KAZN: variants seen among roughly 807,000 people sequenced by gnomAD.
KAZN encodes kazrin.
In KAZN, 40 loss-of-function variants were observed where a neutral mutation model predicts 87.4. The ratio of observed to expected loss-of-function variants is 0.46; its 90% confidence interval spans 0.36 to 0.60. KAZN has a LOEUF of 0.60. KAZN is among the 20% of genes least tolerant of loss of function. The pLI is 0.00. For synonymous variants in KAZN, 466 were observed against 458.3 expected (o/e 1.02, Z -0.22); for missense variants, 898 against 1,073.9 (o/e 0.84, Z 2.29).
chr1:14,658,760 G>A (rs79405792), intron 1 of KAZN, among the ~76,000 whole-genome samples: 1,546 of 152,014 alleles, frequency 0.01, 26 homozygotes, highest in East Asian at 0.042. Context: ...ACATTCCCTC[G>A]CCCCACCCTA....
intron 13 of KAZN, chr1:15,112,128 T>G (rs995686133): frequency 2.7e-5 from 12 of 445,924 alleles, no homozygotes; most frequent in Non-Finnish European, 4.1e-6. Context: ...GAAGCCTGAG[T>G]TCAGATCTTG....
intron 1 of KAZN, among the ~76,000 whole-genome samples, chr1:14,060,408 T>G (rs994156058): frequency 9.2e-5 from 14 of 151,828 alleles, no homozygotes; most frequent in Non-Finnish European, 1.5e-4. Flanking sequence ...TGTTCCCTAC[T>G]TGCAATAAGA....
chr1:14,268,599 G>A (rs966795836), intron 2 of KAZN, among the ~76,000 whole-genome samples: 2 of 152,172 alleles, frequency 1.3e-5, no homozygotes, highest in African/African-American at 4.8e-5. Flanking sequence ...CAATGATGAT[G>A]CATTACCTGT....
chr1:14,441,203 T>A (rs1483747606), intron 2 of KAZN, among the ~76,000 whole-genome samples: 2 of 152,162 alleles, frequency 1.3e-5, no homozygotes, highest in Non-Finnish European at 2.9e-5. Context: ...TTTGGCTTCT[T>A]ATAGCTTATG....
At chr1:15,035,837 C>CT in intron 3 of KAZN, among the ~76,000 whole-genome samples, 1 of 152,262 alleles carries the variant, frequency 6.6e-6, no homozygotes, top group African/African-American at 2.4e-5. Context: ...CTTCTGGCCT[C>CT]TGTTTTCTGC....
At chr1:14,296,653 T>G (rs1363277300) in intron 2 of KAZN, among the ~76,000 whole-genome samples, 1 of 144,796 alleles carries the variant, frequency 6.9e-6, no homozygotes, top group East Asian at 2.0e-4. Context: ...TTTTTTTTTT[T>G]GAGACAAAAT....
At chr1:14,429,972 A>AT (rs1665951217) in intron 2 of KAZN, among the ~76,000 whole-genome samples, 1 of 151,788 alleles carries the variant, frequency 6.6e-6, no homozygotes, top group African/African-American at 2.4e-5. Context: ...CTCTTCCCCC[A>AT]TCCCTCTCCC....
intron 2 of KAZN, among the ~76,000 whole-genome samples, chr1:14,215,899 GAAT>G (rs1646948017): frequency 6.6e-6 from 1 of 152,054 alleles, no homozygotes; most frequent in Admixed American, 6.6e-5. Context: ...ACTTCTACAG[GAAT>G]AATGTCTTTA....
intron 2 of KAZN, among the ~76,000 whole-genome samples, chr1:14,573,052 G>A: frequency 6.6e-6 from 1 of 152,118 alleles, no homozygotes; most frequent in East Asian, 1.9e-4. Flanking sequence ...ATGCTCCTCA[G>A]CTCTGAGGAA....
intron 1 of KAZN, among the ~76,000 whole-genome samples, chr1:14,158,990 G>C (rs143396136): frequency 0.016 from 2,431 of 152,236 alleles, 40 homozygotes; most frequent in South Asian, 0.035. Flanking sequence ...GCCACCGGGA[G>C]CTGGGGGTGG....
At chr1:14,907,458 C>T (rs1476603093) in intron 1 of KAZN, among the ~76,000 whole-genome samples, 1 of 151,290 alleles carries the variant, frequency 6.6e-6, no homozygotes, top group Non-Finnish European at 1.5e-5. Flanking sequence ...AGACCTCAGG[C>T]ATCAGAATCT....
chr1:14,595,450 G>A (rs1244887253), upstream of KAZN, among the ~76,000 whole-genome samples: 1 of 152,070 alleles, frequency 6.6e-6, no homozygotes, highest in Non-Finnish European at 1.5e-5. Flanking sequence ...GGCCGAGGCA[G>A]GTGGATTGCT....
At chr1:14,590,354 G>T (rs144030201) in intron 2 of KAZN, among the ~76,000 whole-genome samples, 1,611 of 152,268 alleles carry the variant, frequency 0.011, 30 homozygotes, top group African/African-American at 0.037. Context: ...TGAACCTTTT[G>T]CAGAGAGTGA....
chr1:14,382,424 C>G (rs1038680454), intron 2 of KAZN, among the ~76,000 whole-genome samples: 1 of 141,670 alleles, frequency 7.1e-6, no homozygotes, highest in African/African-American at 2.7e-5. Flanking sequence ...CCCACTAACT[C>G]GTCATCTAGC....
At chr1:13,948,048 C>T (rs1641211474) in intron 1 of KAZN, among the ~76,000 whole-genome samples, 1 of 152,182 alleles carries the variant, frequency 6.6e-6, no homozygotes, top group Non-Finnish European at 1.5e-5. Context: ...GATAATCTTT[C>T]CCATCTCAAG....
rs763734771 is a variant in KAZN at position 15,065,701 on chromosome 1, C to T, written c.1170C>T (p.Arg390=). The T allele has an allele frequency of 2.5e-6, 4 of 1,614,232 alleles. No homozygotes were observed. Among genetic ancestry groups the T allele is most frequent in the East Asian group, 4.5e-5 (2 of 44,888 alleles). The change falls in exon 8 of 15, where the codon CGC becomes CGT. Residue 390 remains arginine, a synonymous_variant. Coordinates refer to ENST00000376030, the MANE Select transcript of KAZN (RefSeq NM_201628.3). ...AGATGGGATTCGGCTCCATCTCCCG[C>T]GTCTTCGCCAGAGGGAAGCAGCGGA... ...KEKMGFGSIS[R]VFARGKQRKS... is the part of the protein sequence containing the mutation.
intron 1 of KAZN, among the ~76,000 whole-genome samples, chr1:14,094,453 G>A (rs1570724531): frequency 1.3e-5 from 2 of 152,186 alleles, no homozygotes; most frequent in East Asian, 3.9e-4. Context: ...CAAAAGCCTA[G>A]GGAAAAATGC....
intron 2 of KAZN, among the ~76,000 whole-genome samples, chr1:14,401,093 T>C (rs1663367850): frequency 6.6e-6 from 1 of 152,092 alleles, no homozygotes; most frequent in African/African-American, 2.4e-5. Context: ...CACAATGGGT[T>C]TTCAAAGGGG....
At chr1:14,198,973 C>T (rs953882260) in intron 2 of KAZN, among the ~76,000 whole-genome samples, 4 of 151,968 alleles carry the variant, frequency 2.6e-5, no homozygotes, top group Admixed American at 1.3e-4. Flanking sequence ...GGGCTTTGCA[C>T]TGGAGTATTA....
Sources: gnomAD v4.1 joint callset for allele counts (sites outside exome capture counted in the v4.1 genomes callset) on GRCh38, gnomAD v4.1.1 for gene constraint, MANE v1.5 for transcripts, NCBI Gene and HGNC (gene_info 2026-07-23, HGNC 2026-07-21) for gene names.